CACNA2D2: variants seen among roughly 807,000 people sequenced by gnomAD.
The protein encoded by CACNA2D2 is calcium voltage-gated channel auxiliary subunit alpha2delta 2, also known as voltage-dependent calcium channel subunit alpha-2/delta-2.
CACNA2D2 carries 48 observed loss-of-function variants against 166.4 expected under a neutral mutation model. That is an observed-to-expected ratio of 0.29 (90% CI 0.23 to 0.37). CACNA2D2 has a LOEUF of 0.37. CACNA2D2 is among the 10% of genes least tolerant of loss of function. The pLI is 1.00. For synonymous variants in CACNA2D2, 561 were observed against 573.7 expected (o/e 0.98, Z 0.32); for missense variants, 1,122 against 1,433.0 (o/e 0.78, Z 3.50).
At chr3:50,428,945 T>C (rs1245183506) in intron 3 of CACNA2D2, among the ~76,000 whole-genome samples, 1 of 152,188 alleles carries the variant, frequency 6.6e-6, no homozygotes, top group African/African-American at 2.4e-5. Flanking sequence ...AAACCCTGGT[T>C]TTGGCCAGGT....
Position 50,427,150 on chromosome 3 carries a change from C to T in CACNA2D2, c.405+7163G>A, listed in dbSNP as rs999639907. ...TCCAGGCCACCTCGTCCAAGGAGCC[C>T]TCTCTGACTCCCATTCCTTGGTGGT... On this transcript the variant is annotated intron_variant, in intron 3 of 37. Transcript: ENST00000424201. This position sits in a 1 kb window ranked among gnomAD's most constrained non-coding sequence, Gnocchi z 4.7. Among the ~76,000 whole-genome samples, 6 of 152,222 alleles carry T rather than the reference C, an allele frequency of 3.9e-5. No homozygotes were observed. The highest frequency in any genetic ancestry group is 6.5e-5 in the Admixed American group (1 of 15,288).
intron 1 of CACNA2D2, among the ~76,000 whole-genome samples, chr3:50,489,050 G>T (rs1349786998): frequency 6.6e-6 from 1 of 152,278 alleles, no homozygotes; most frequent in East Asian, 1.9e-4. Context: ...CATCTCCTGA[G>T]AACAGCACCT....
chr3:50,435,733 A>G (rs28428559), intron 2 of CACNA2D2, among the ~76,000 whole-genome samples: 19,408 of 152,136 alleles, frequency 0.13, 3,740 homozygotes, highest in African/African-American at 0.42. Flanking sequence ...ACACAAAGCC[A>G]GCTCAGGCAA....
At position 50,380,817 on chromosome 3, in the gene CACNA2D2, G is replaced by T; in HGVS notation, c.785-12C>A. ...TCGCCACGGGGTGGCTGAGGGAGGA[G>T]AGAAGGTGAGGGGGACTGGCAGGAA... On this transcript the variant is annotated splice_polypyrimidine_tract_variant and intron_variant, in intron 7 of 37. Transcript: ENST00000424201. This position sits in a 1 kb window ranked among gnomAD's most constrained non-coding sequence, Gnocchi z 4.9. The T allele has an allele frequency of 6.5e-7, 1 of 1,543,626 alleles. No homozygotes were observed.
intron 3 of CACNA2D2, among the ~76,000 whole-genome samples, chr3:50,415,102 C>T (rs973380748): frequency 2.0e-5 from 3 of 152,196 alleles, no homozygotes; most frequent in Non-Finnish European, 4.4e-5. Flanking sequence ...GTGTGATAGG[C>T]AGGCTAGGAA....
intron 1 of CACNA2D2, among the ~76,000 whole-genome samples, chr3:50,486,573 G>A (rs983757650): frequency 1.4e-4 from 21 of 152,130 alleles, no homozygotes; most frequent in African/African-American, 5.1e-4. Flanking sequence ...ATGTACAGAG[G>A]AGAGGCCAAG....
At position 50,374,783 on chromosome 3, in the gene CACNA2D2, G is replaced by A. The variant is rs753604176; in HGVS notation, c.1938C>T (p.Thr646=). The change falls in exon 22 of 38, where the codon ACC becomes ACT. Residue 646 remains threonine, a synonymous_variant. Coordinates refer to ENST00000424201, the MANE Select transcript of CACNA2D2 (RefSeq NM_006030.4). ...CACTGAGATTGGCTTGGAGGTAGAA[G>A]GTGCTGTAGGGTGGGAGCACCAGCC... ...SLGLVLPPYS[T]FYLQANLSDQ... 5 of 1,596,600 alleles carry A rather than the reference G, an allele frequency of 3.1e-6. No individual in the cohort carries two copies. Among genetic ancestry groups the A allele is most frequent in the East Asian group, 4.5e-5 (2 of 44,210 alleles).
Position 50,365,906 on chromosome 3 carries a change from C to T in CACNA2D2, c.2863-44G>A, listed in dbSNP as rs1375349148. 1 of 1,612,508 alleles carries T rather than the reference C, an allele frequency of 6.2e-7. No homozygotes were observed. The highest frequency in any genetic ancestry group is 1.1e-5 in the South Asian group (1 of 91,024). The stretch of plus-strand genomic sequence containing the variant: ...CGTGGACTGCCACTGCTGCCCCTCG[C>T]CCTAGGTCACCCCCAGCTTTATCAA... On this transcript the variant is annotated intron_variant, in intron 32 of 37. Coordinates refer to ENST00000424201, the MANE Select transcript of CACNA2D2 (RefSeq NM_006030.4). This position sits in a 1 kb window ranked among gnomAD's most constrained non-coding sequence, Gnocchi z 4.5.
intron 4 of CACNA2D2, among the ~76,000 whole-genome samples, chr3:50,390,696 G>A (rs1052151633): frequency 2.6e-5 from 4 of 152,198 alleles, no homozygotes; most frequent in African/African-American, 9.6e-5. Context: ...AACAGGCGAG[G>A]GGCGGGGCAG....
At chr3:50,443,939 G>A (rs1331104810) in intron 2 of CACNA2D2, among the ~76,000 whole-genome samples, 1 of 152,184 alleles carries the variant, frequency 6.6e-6, no homozygotes, top group Non-Finnish European at 1.5e-5. Flanking sequence ...ACGGGTCATG[G>A]AGCTCTCATG....
chr3:50,403,905 A>G (rs72936972), intron 3 of CACNA2D2, among the ~76,000 whole-genome samples: 4,743 of 152,174 alleles, frequency 0.031, 240 homozygotes, highest in African/African-American at 0.11. Context: ...GGGTTCCCAC[A>G]ATTGCCCTGG....
At chr3:50,377,598 C>T in intron 16 of CACNA2D2, 57 bp from the exon 17 acceptor site, 1 of 1,581,560 alleles carries the variant, frequency 6.3e-7, no homozygotes, top group Non-Finnish European at 8.7e-7. Context: ...GGGAACCACC[C>T]TCCACAAGGC....
intron 6 of CACNA2D2, among the ~76,000 whole-genome samples, chr3:50,383,867 C>T (rs1315056476): frequency 2.6e-5 from 4 of 152,104 alleles, no homozygotes; most frequent in Non-Finnish European, 4.4e-5. Context: ...CAGGGGCAGG[C>T]GGGCACTCAG....
intron 1 of CACNA2D2, among the ~76,000 whole-genome samples, chr3:50,497,701 C>G (rs1698780111): frequency 1.3e-5 from 2 of 152,094 alleles, no homozygotes; most frequent in Admixed American, 1.3e-4. Flanking sequence ...CCCAAGAGAC[C>G]CCTGTGGGGA....
chr3:50,364,814 G>T lies in CACNA2D2; in HGVS notation c.3292-8C>A, dbSNP rs914125444. Reference sequence around the variant, plus strand: ...ACAGTCTGAGGTATCTTCCTGCGGGGAGAGACAAGGAGCTGGTCGGCCTGG... The same window carrying T: ...ACAGTCTGAGGTATCTTCCTGCGGGTAGAGACAAGGAGCTGGTCGGCCTGG... On this transcript the variant is annotated splice_polypyrimidine_tract_variant and splice_region_variant and intron_variant, in intron 37 of 37. Transcript: ENST00000424201. 1.9e-6 allele frequency: 3 copies of T among 1,612,516 alleles called. No individual in the cohort carries two copies. The highest frequency in any genetic ancestry group is 2.5e-6 in the Non-Finnish European group (3 of 1,179,678).
chr3:50,400,786 C>T (rs961061302), intron 3 of CACNA2D2, among the ~76,000 whole-genome samples: 3 of 152,240 alleles, frequency 2.0e-5, no homozygotes, highest in Non-Finnish European at 4.4e-5. Context: ...CTACGCTGGA[C>T]ACACTTGGCT....
At chr3:50,373,131 AC>A in intron 22 of CACNA2D2, 1 of 1,523,314 alleles carries the variant, frequency 6.6e-7, no homozygotes, top group Non-Finnish European at 8.8e-7. Context: ...CAAAAACAAC[AC>A]AAACACAAAA....
At chr3:50,485,789 G>C (rs1446680383) in intron 1 of CACNA2D2, among the ~76,000 whole-genome samples, 1 of 152,252 alleles carries the variant, frequency 6.6e-6, no homozygotes, top group African/African-American at 2.4e-5. Flanking sequence ...GCCAGCACCA[G>C]TTTTCACTGT....
chr3:50,414,654 G>A (rs1217244093), intron 3 of CACNA2D2, among the ~76,000 whole-genome samples: 1 of 152,214 alleles, frequency 6.6e-6, no homozygotes, highest in Non-Finnish European at 1.5e-5. Context: ...TTCCTTCTTC[G>A]GCTGTGGCCA....
Sources: gnomAD v4.1 joint callset for allele counts (sites outside exome capture counted in the v4.1 genomes callset) on GRCh38, gnomAD v4.1.1 for gene constraint, Gnocchi (gnomAD v3.1) non-coding constraint, MANE v1.5 for transcripts, NCBI Gene and HGNC (gene_info 2026-07-23, HGNC 2026-07-21) for gene names.